The following SCRIB variants were observed in gnomAD, a reference collection of about 807,000 sequenced individuals.
SCRIB encodes scribble planar cell polarity protein, also known as protein scribble homolog.
In SCRIB, 72 loss-of-function variants were observed where a neutral mutation model predicts 170.0. The observed-to-expected ratio is 0.42, with a 90% CI of 0.35 to 0.52. The LOEUF (loss-of-function observed/expected upper bound fraction) is 0.52, where lower values mean the gene tolerates loss of function less well. Among genes scored for constraint, SCRIB ranks in the 20% least tolerant of loss-of-function variants. The probability of loss-of-function intolerance (pLI) is 0.02; values close to 1 mark genes in which losing one functional copy is unlikely to be tolerated. For missense variants in SCRIB, 2,475 were observed against 2,338.5 expected (o/e 1.06, Z -1.20); for synonymous variants, 1,298 against 1,044.3 (o/e 1.24, Z -4.68).
Position 143,795,273 on chromosome 8 carries a change from T to A in SCRIB, c.3771+4A>T. 1 of 1,612,570 alleles carries A rather than the reference T, an allele frequency of 6.2e-7. No homozygotes were observed. The highest frequency in any genetic ancestry group is 1.7e-5 in the Admixed American group (1 of 60,026). ...ATGTGAGGGGGTGGGGCGACCACAC[T>A]CACTGCGGCTTCTGTGGCCTCGGGC... is the stretch of plus-strand genomic sequence containing the variant. On this transcript the variant is annotated splice_donor_region_variant and intron_variant, in intron 26 of 36. Coordinates refer to ENST00000356994, the MANE Select transcript of SCRIB (RefSeq NM_182706.5).
chr8:143,807,460 C>G lies in SCRIB; in HGVS notation c.2178+92G>C. The G allele has an allele frequency of 3.8e-6, 4 of 1,047,846 alleles. No individual in the cohort carries two copies. In the South Asian group the frequency reaches 5.0e-5, roughly 13 times the overall value. The allele number at this position is 1,047,846 out of a possible 1,614,324, so 64.9% of individuals were successfully genotyped here. The stretch of plus-strand genomic sequence containing the variant: ...AGCTCTTTTGAGAGGGATCTGCGCT[C>G]AAGCAACAGGGGCGGGGAGAGGCGT... On this transcript the variant is annotated intron_variant, in intron 16 of 36. Coordinates refer to ENST00000356994, the MANE Select transcript of SCRIB (RefSeq NM_182706.5).
intron 24 of SCRIB, among the ~76,000 whole-genome samples, chr8:143,798,217 C>T (rs1158693266): frequency 2.0e-5 from 3 of 151,802 alleles, no homozygotes; most frequent in East Asian, 1.9e-4. Flanking sequence ...GATCGTGCCA[C>T]TGCACTTCAG....
At position 143,793,953 on chromosome 8, in the gene SCRIB, C is replaced by T. The variant is rs147035947; in HGVS notation, c.3856G>A (p.Gly1286Arg). Residue 1286 changes from glycine to arginine, a missense_variant, in exon 28 of 37, where the codon GGA becomes AGA. Physicochemically the swap from Gly to Arg is moderately radical, Grantham distance 125. Transcript: ENST00000356994. ...TCAGCCATCTTCCCTCCAGCTGCTCCAGACGGTACCTGGAGGAGTAGGCAG... is the reference window on the plus strand; with the variant it reads ...TCAGCCATCTTCCCTCCAGCTGCTCTAGACGGTACCTGGAGGAGTAGGCAG... Reference protein sequence around the residue: ...SAGSVQRVPSGAAGGKMAESP... With the variant: ...SAGSVQRVPSRAAGGKMAESP... 1 of 1,613,246 alleles carries T rather than the reference C, an allele frequency of 6.2e-7. No homozygotes were observed. Among genetic ancestry groups the T allele is most frequent in the Non-Finnish European group, 8.5e-7 (1 of 1,179,672 alleles).
rs778629131 is a variant in SCRIB at position 143,812,956 on chromosome 8, G to A, written c.648C>T (p.Leu216=). 12 of 1,612,704 alleles carry A rather than the reference G, an allele frequency of 7.4e-6. No individual in the cohort carries two copies. Among genetic ancestry groups the A allele is most frequent in the South Asian group, 2.2e-5 (2 of 91,046 alleles). The change falls in exon 8 of 37, where the codon CTC becomes CTT. Residue 216 remains leucine (L), a synonymous_variant. Transcript: ENST00000356994. ...GGCACACCAGGCGCCGCAGGTTCCC[G>A]AGCTCCTGCAGGTGGGCAGAGAGTC... ...RNQLSALPPE[L]GNLRRLVCLD...
In SCRIB at chr8:143,811,004, G is replaced by A. The variant is rs144199084; in HGVS notation, c.1175C>T (p.Ala392Val). Reference sequence around the variant, plus strand: ...CGTCTGGAACCGGAGCATGGGCTGCGCCTGGTTCTCTGCCAGCCACAGGGC... The same window carrying A: ...CGTCTGGAACCGGAGCATGGGCTGCACCTGGTTCTCTGCCAGCCACAGGGC... ...LKALWLAENQ[A>V]QPMLRFQTED... The change falls in exon 11 of 37, where the codon GCG becomes GTG. Residue 392 changes from alanine (A) to valine (V), a missense_variant. By Grantham distance (64) the Ala-to-Val change is moderately conservative (BLOSUM62 0). This residue lies in a region of SCRIB where 487 missense variants were observed against 558.1 expected (regional missense o/e 0.87). Coordinates refer to ENST00000356994, the MANE Select transcript of SCRIB (RefSeq NM_182706.5). 1.4e-4 allele frequency: 218 copies of A among 1,611,206 alleles called. No individual in the cohort carries two copies. The highest frequency in any genetic ancestry group is 1.8e-4 in the Non-Finnish European group (207 of 1,179,296).
At position 143,807,538 on chromosome 8, in the gene SCRIB, C is replaced by T. The variant is rs782537598; in HGVS notation, c.2178+14G>A. On this transcript the variant is annotated intron_variant, in intron 16 of 36. Coordinates refer to ENST00000356994, the MANE Select transcript of SCRIB (RefSeq NM_182706.5). ...GCAGCGGCCCGGCCAGAGTGCAGAG[C>T]GAGCAGTACAGACCTCTTCCTCCTC... The T allele has an allele frequency of 8.1e-6, 13 of 1,609,896 alleles. No homozygotes were observed. The Admixed American group carries it at 8.3e-5, about 10-fold the overall frequency.
rs773044785 is a variant in SCRIB, at chr8:143,812,388, G to A, written c.788-4C>T. The A allele has an allele frequency of 1.9e-6, 3 of 1,600,052 alleles. No individual in the cohort carries two copies. Among genetic ancestry groups the A allele is most frequent in the East Asian group, 4.5e-5 (2 of 44,810 alleles). On this transcript the variant is annotated splice_polypyrimidine_tract_variant and splice_region_variant and intron_variant, in intron 8 of 36. Transcript: ENST00000356994. ...ATGGATAGCTGCTTCAGCTGACCTGGCGTCGGGGAGACAGGGGGACAAGGC... is the reference window on the plus strand; with the variant it reads ...ATGGATAGCTGCTTCAGCTGACCTGACGTCGGGGAGACAGGGGGACAAGGC...
At chr8:143,797,800 G>C (rs1554634311) in intron 24 of SCRIB, among the ~76,000 whole-genome samples, 1 of 152,276 alleles carries the variant, frequency 6.6e-6, no homozygotes, top group African/African-American at 2.4e-5. Context: ...AGACTAGAGG[G>C]ATGCGGTGGC....
chr8:143,794,585 T>A lies in SCRIB; in HGVS notation c.3846+453A>T, dbSNP rs375475651. ...GGTGGGGCGCACCCTCTGGGAGGGT[T>A]ATTTGTATCTCTAAGGGGAGGGATG... On this transcript the variant is annotated intron_variant, in intron 27 of 36. Coordinates refer to ENST00000356994, the MANE Select transcript of SCRIB (RefSeq NM_182706.5). Among the ~76,000 whole-genome samples, 1,005 of 151,900 alleles carry A rather than the reference T, an allele frequency of 6.6e-3. 11 individuals carry two copies. Among genetic ancestry groups the A allele is most frequent in the African/African-American group, 0.023 (939 of 41,422 alleles).
chr8:143,808,806 C>T lies in SCRIB; in HGVS notation c.1918G>A (p.Val640Met), dbSNP rs140455168. The change falls in exon 15 of 37, where the codon GTG becomes ATG. Residue 640 changes from valine (V) to methionine (M), a missense_variant. Physicochemically the swap from Val to Met is conservative, Grantham distance 21. Around this residue, in one of 3 missense-constraint regions of SCRIB, gnomAD observed 1,966 missense variants for 1,742.9 expected, o/e 1.13. Transcript: ENST00000356994. ...CCATTGTGCCAGCCCCCGGGAGCCA[C>T]AGGGCCCTCCCCATCAGGCTGCATG... Reference protein sequence around the residue: ...QGMQPDGEGPVAPGGWHNGPH... With the variant: ...QGMQPDGEGPMAPGGWHNGPH... The T allele has an allele frequency of 3.8e-5, 62 of 1,612,072 alleles. No individual in the cohort carries two copies. The African/African-American group carries it at 7.6e-4, about 20-fold the overall frequency.
In SCRIB at chr8:143,791,676, T is replaced by TAGAC. The variant is rs1563785732; in HGVS notation, c.4756_4759dup (p.Tyr1587CysfsTer3). 1 of 1,605,468 alleles carries TAGAC rather than the reference T, an allele frequency of 6.2e-7. No individual in the cohort carries two copies. Among genetic ancestry groups the TAGAC allele is most frequent in the Admixed American group, 1.7e-5 (1 of 59,774 alleles). On this transcript the variant is annotated frameshift_variant, in exon 35 of 37. Coordinates refer to ENST00000356994, the MANE Select transcript of SCRIB (RefSeq NM_182706.5). LOFTEE classifies it high-confidence loss of function. Reference sequence around the variant, plus strand: ...CTGGAGGCCAGGTACCTGGATGTCATAGACAGGTCTGGAAGAAGGCAGGGC... The same window carrying TAGAC: ...CTGGAGGCCAGGTACCTGGATGTCATAGACAGACAGGTCTGGAAGAAGGCAGGGC...
chr8:143,808,724 C>T lies in SCRIB; in HGVS notation c.2000G>A (p.Gly667Asp), dbSNP rs773817747. Residue 667 changes from glycine to aspartate, a missense_variant, in exon 15 of 37, where the codon GGT becomes GAT. By Grantham distance (94) the Gly-to-Asp change is moderately conservative. Around this residue, in one of 3 missense-constraint regions of SCRIB, gnomAD observed 1,966 missense variants for 1,742.9 expected, o/e 1.13. Transcript: ENST00000356994. ...AQKEEEEEEE[G>D]SPQEEEEEEE... ...CTCTTCCTCCTCCTCCTGAGGACTA[C>T]CCTCTTCCTCCTCCTCCTCCTCCTT... 8.2e-6 allele frequency: 13 copies of T among 1,594,568 alleles called. No individual in the cohort carries two copies. The East Asian group carries it at 2.9e-4, about 36-fold the overall frequency.
chr8:143,793,342 T>TA, intron 28 of SCRIB: 1 of 380,746 alleles, frequency 2.6e-6, no homozygotes, highest in Non-Finnish European at 4.7e-6. Flanking sequence ...TGGTTTTGTC[T>TA]AAAAAAGGCA....
chr8:143,814,054 G>A lies in SCRIB; in HGVS notation c.224C>T (p.Pro75Leu), dbSNP rs1237216421. ...GLSDNEIQRL[P>L]PEVANFMQLV... ...CTGCATGAAGTTGGCCACCTCGGGAGGCAACCGCTGGATCTCGTTGTCGCT... is the reference window on the plus strand; with the variant it reads ...CTGCATGAAGTTGGCCACCTCGGGAAGCAACCGCTGGATCTCGTTGTCGCT... The change falls in exon 2 of 37, where the codon CCT becomes CTT. Residue 75 changes from proline to leucine, a missense_variant. By Grantham distance (98) the Pro-to-Leu change is moderately conservative. Coordinates refer to ENST00000356994, the MANE Select transcript of SCRIB (RefSeq NM_182706.5). 1 of 1,558,886 alleles carries A rather than the reference G, an allele frequency of 6.4e-7. No individual in the cohort carries two copies. The highest frequency in any genetic ancestry group is 8.7e-7 in the Non-Finnish European group (1 of 1,150,896).
chr8:143,814,777 G>A (rs1488048007), intron 1 of SCRIB: 4 of 178,534 alleles, frequency 2.2e-5, no homozygotes, highest in Admixed American at 6.1e-5. Flanking sequence ...AAAGAAAGGG[G>A]GACAGCGAAC....
chr8:143,807,997 T>C (rs1041607496), intron 15 of SCRIB, among the ~76,000 whole-genome samples: 1 of 152,154 alleles, frequency 6.6e-6, no homozygotes, highest in Non-Finnish European at 1.5e-5. Flanking sequence ...GAGAGGAGAC[T>C]TGAGGGCCAG....
chr8:143,808,585 G>C (rs752349087), intron 15 of SCRIB, 24 bp downstream of exon 15: 4 of 1,499,862 alleles, frequency 2.7e-6, no homozygotes, highest in Non-Finnish European at 3.6e-6. Flanking sequence ...ATCTGGGTCA[G>C]GCAGGGGTGA....
rs1554635409 is a variant in SCRIB at position 143,803,429 on chromosome 8, A to G, written c.3557T>C (p.Val1186Ala). The G allele has an allele frequency of 6.3e-7, 1 of 1,595,820 alleles. No individual in the cohort carries two copies. The highest frequency in any genetic ancestry group is 1.3e-5 in the African/African-American group (1 of 74,920). The change falls in exon 24 of 37, where the codon GTG (valine) becomes GCG (alanine). Residue 1186 changes from valine (V) to alanine (A), a missense_variant. Physicochemically the swap from Val to Ala is moderately conservative, Grantham distance 64. Around this residue, in one of 3 missense-constraint regions of SCRIB, gnomAD observed 1,966 missense variants for 1,742.9 expected, o/e 1.13. Coordinates refer to ENST00000356994, the MANE Select transcript of SCRIB (RefSeq NM_182706.5). ...GGCCTCAAAGCCGTCACAGACCAGC[A>G]CGGTGAGGGTGTCGCCCACACTGCG... ...LLRSVGDTLT[V>A]LVCDGFEAST... is the part of the protein sequence containing the mutation.
chr8:143,805,958 C>T (rs1357665974), intron 18 of SCRIB, among the ~76,000 whole-genome samples: 1 of 152,174 alleles, frequency 6.6e-6, no homozygotes, highest in African/African-American at 2.4e-5. Context: ...CTCTTCAGAG[C>T]CCCCGGATGC....
Sources: allele counts gnomAD v4.1 joint callset (sites outside exome capture counted in the v4.1 genomes callset), GRCh38; gene constraint gnomAD v4.1.1; regional missense constraint gnomAD v4.1.1; transcripts MANE v1.5; gene names NCBI Gene and HGNC (gene_info 2026-07-23, HGNC 2026-07-21).